Variants in SLC25A26 observed in about 807,000 individuals in gnomAD.
SLC25A26 encodes the protein mitochondrial S-adenosylmethionine carrier protein.
In SLC25A26, 36 loss-of-function variants were observed where a neutral mutation model predicts 37.8. The ratio of observed to expected loss-of-function variants is 0.95; its 90% CI spans 0.73 to 1.26. The LOEUF is 1.26. Ranked by LOEUF, SLC25A26 falls within the 50% of genes most tolerant of loss-of-function variation. SLC25A26 has a pLI of 0.00. For missense variants in SLC25A26, 390 were observed against 331.1 expected (o/e 1.18, Z -1.38); for synonymous variants, 129 against 122.5 (o/e 1.05, Z -0.35).
At chr3:66,325,828 T>A (rs1272132403) in intron 5 of SLC25A26, among the ~76,000 whole-genome samples, 2 of 152,200 alleles carry the variant, frequency 1.3e-5, no homozygotes, top group Non-Finnish European at 2.9e-5. Context: ...GAAGGTTTTA[T>A]AAACAGAAGG....
At chr3:66,359,089 C>T (rs913756878) in intron 6 of SLC25A26, among the ~76,000 whole-genome samples, 3 of 152,146 alleles carry the variant, frequency 2.0e-5, no homozygotes, top group African/African-American at 7.2e-5. Context: ...TTTGTAGGCT[C>T]ATTATTCTGG....
In SLC25A26 at chr3:66,375,787, A is replaced by G. The variant is rs886877802; in HGVS notation, c.708-1903A>G. 4.6e-5 allele frequency among the ~76,000 whole-genome samples: 7 copies of G among 152,070 alleles called. No individual in the cohort carries two copies. In the East Asian group the frequency reaches 7.7e-4, roughly 17 times the overall value. ...GATGAATGTTGTTCTCATGCCTACT[A>G]TCAACATCCATTCCTTAGCCTGTGG... On this transcript the variant is annotated intron_variant, in intron 9 of 9. Coordinates refer to ENST00000354883, the MANE Select transcript of SLC25A26 (RefSeq NM_001379210.1).
At chr3:66,351,920 ATCT>A (rs1006995623) in intron 6 of SLC25A26, among the ~76,000 whole-genome samples, 1 of 151,970 alleles carries the variant, frequency 6.6e-6, no homozygotes, top group Admixed American at 6.6e-5. Context: ...TTCCCAAAAT[ATCT>A]TCTTCACACA....
chr3:66,312,822 G>C (rs746396963), intron 5 of SLC25A26, among the ~76,000 whole-genome samples: 2 of 152,078 alleles, frequency 1.3e-5, no homozygotes, highest in Non-Finnish European at 2.9e-5. Flanking sequence ...GCCCACTGTG[G>C]GCTGCACCCA....
At chr3:66,156,856 A>G (rs141241424) in intron 1 of SLC25A26, among the ~76,000 whole-genome samples, 9,934 of 152,146 alleles carry the variant, frequency 0.065, 476 homozygotes, top group Middle Eastern at 0.16. Context: ...GTTCACTTCA[A>G]CTTTAGGCCT....
Position 66,208,954 on chromosome 3 carries a change from A to G in SLC25A26, c.-353-11788A>G, listed in dbSNP as rs1276816015. On this transcript the variant is annotated intron_variant, in intron 1 of 10. Transcript: ENST00000676754. Reference sequence around the variant, plus strand: ...TACACATATATATACATTTATATATATATACCCATATAAAGGTGTGTATAT... The same window carrying G: ...TACACATATATATACATTTATATATGTATACCCATATAAAGGTGTGTATAT... 9.8e-3 allele frequency among the ~76,000 whole-genome samples: 1,015 copies of G among 103,074 alleles called. 40 individuals carry two copies. The highest frequency in any genetic ancestry group is 0.039 in the African/African-American group (974 of 25,036). The allele number at this position is 103,074 out of a possible 152,430, so 67.6% of individuals were successfully genotyped here. A position where few individuals can be genotyped will look rare whatever the true frequency, so the allele number is the denominator to read the frequency against.
At chr3:66,205,239 A>C (rs1244577953) in intron 1 of SLC25A26, among the ~76,000 whole-genome samples, 1 of 152,212 alleles carries the variant, frequency 6.6e-6, no homozygotes, top group Non-Finnish European at 1.5e-5. Flanking sequence ...GAAAGAAAAA[A>C]GCGTGGTGGA....
At chr3:66,316,418 T>G (rs2075541024) in intron 5 of SLC25A26, among the ~76,000 whole-genome samples, 1 of 152,218 alleles carries the variant, frequency 6.6e-6, no homozygotes, top group South Asian at 2.1e-4. Flanking sequence ...GAAATTCTTT[T>G]GTTTAAGCAT....
chr3:66,322,200 A>AG (rs768894182), intron 5 of SLC25A26, among the ~76,000 whole-genome samples: 2 of 152,232 alleles, frequency 1.3e-5, no homozygotes, highest in Non-Finnish European at 2.9e-5. Flanking sequence ...CATTTAGGAT[A>AG]CAGCAAAGTG....
intron 1 of SLC25A26, among the ~76,000 whole-genome samples, chr3:66,153,276 A>T (rs2070231901): frequency 6.6e-6 from 1 of 152,212 alleles, no homozygotes; most frequent in South Asian, 2.1e-4. Flanking sequence ...TAAAATGTTG[A>T]TAGCATTGAG....
chr3:66,149,000 G>A (rs746287741), intron 1 of SLC25A26, among the ~76,000 whole-genome samples: 1 of 152,008 alleles, frequency 6.6e-6, no homozygotes, highest in Non-Finnish European at 1.5e-5. Context: ...ATTCCTTCTG[G>A]GGAACCTTCT....
chr3:66,205,217 T>G (rs2071161671), intron 1 of SLC25A26, among the ~76,000 whole-genome samples: 2 of 152,238 alleles, frequency 1.3e-5, no homozygotes, highest in Admixed American at 1.3e-4. Context: ...ACATGCATTC[T>G]TCTTCCAATT....
At chr3:66,363,549 A>G (rs1006367954) in intron 7 of SLC25A26, among the ~76,000 whole-genome samples, 15 of 152,210 alleles carry the variant, frequency 9.9e-5, no homozygotes, top group Admixed American at 2.6e-4. Flanking sequence ...CTTTAACGAG[A>G]ACTCAAATGC....
chr3:66,378,880 C>T lies in SLC25A26; in HGVS notation c.*1073C>T, dbSNP rs1453600359. 6.6e-6 allele frequency: 1 copy of T among 152,634 alleles called. No homozygotes were observed. The highest frequency in any genetic ancestry group is 1.5e-5 in the Non-Finnish European group (1 of 68,038). 9.5% of individuals were successfully genotyped at this position (152,634 alleles called of 1,614,324 possible). A position where few individuals can be genotyped will look rare whatever the true frequency, so the allele number is the denominator to read the frequency against. On this transcript the variant is annotated 3_prime_UTR_variant, in exon 10 of 10. Coordinates refer to ENST00000354883, the MANE Select transcript of SLC25A26 (RefSeq NM_001379210.1). ...AATATTTTACATGGTTTTCAATGTA[C>T]ACTGTACCAAAATTTCTATAAATAA...
chr3:66,211,514 C>T (rs1015030339), intron 1 of SLC25A26, among the ~76,000 whole-genome samples: 37,930 of 152,076 alleles, frequency 0.25, 5,160 homozygotes, highest in African/African-American at 0.36. Context: ...ATATAGCTTG[C>T]ACTTATTGCT....
At chr3:66,263,492 C>T (rs1327754885) in intron 5 of SLC25A26, 113 bp downstream of exon 5, 1 of 707,236 alleles carries the variant, frequency 1.4e-6, no homozygotes, top group Non-Finnish European at 2.4e-6. Context: ...TTTAAAAAAT[C>T]AAAAAGGGAA....
intron 3 of SLC25A26, among the ~76,000 whole-genome samples, chr3:66,253,954 G>A (rs1047631310): frequency 6.6e-6 from 1 of 152,148 alleles, no homozygotes; most frequent in African/African-American, 2.4e-5. Context: ...GTAGACACAG[G>A]GACTAAGTGT....
At chr3:66,248,954 G>A (rs939207611) in intron 3 of SLC25A26, among the ~76,000 whole-genome samples, 4 of 152,132 alleles carry the variant, frequency 2.6e-5, no homozygotes, top group African/African-American at 9.7e-5. Context: ...TAATGCCACT[G>A]ATCTAGGCAC....
intron 5 of SLC25A26, among the ~76,000 whole-genome samples, chr3:66,317,491 G>A (rs1018957633): frequency 1.3e-5 from 2 of 152,158 alleles, no homozygotes; most frequent in Non-Finnish European, 2.9e-5. Context: ...CTTTCTCTGG[G>A]AGCTCTGTCC....
Sources: gnomAD v4.1 joint callset for allele counts (sites outside exome capture counted in the v4.1 genomes callset) on GRCh38, gnomAD v4.1.1 for gene constraint, MANE v1.5 for transcripts, NCBI Gene and HGNC (gene_info 2026-07-23, HGNC 2026-07-21) for gene names.